The following PLA2G2F variants were observed in gnomAD, a reference collection of about 807,000 sequenced individuals.
The protein encoded by PLA2G2F is group IIF secretory phospholipase A2.
Under a neutral mutation model 15.9 loss-of-function variants are expected in PLA2G2F, and 17 were observed. The observed-to-expected ratio is 1.07, with a 90% CI of 0.73 to 1.60. The LOEUF (loss-of-function observed/expected upper bound fraction) is 1.60. Among genes scored for constraint, PLA2G2F ranks in the 40% most tolerant of loss-of-function variants. The pLI, the probability that PLA2G2F is intolerant of heterozygous loss-of-function variation, is 0.00. For missense variants in PLA2G2F, 299 were observed against 278.2 expected (o/e 1.07, Z -0.53); for synonymous variants, 119 against 106.5 (o/e 1.12, Z -0.72).
Position 20,148,651 on chromosome 1 carries a change from G to T in PLA2G2F, c.*250G>T. The T allele has an allele frequency of 7.1e-6, 4 of 560,724 alleles. No individual in the cohort carries two copies. In the South Asian group the frequency reaches 8.7e-5, roughly 12 times the overall value. The allele number at this position is 560,724 out of a possible 1,614,324, so 34.7% of individuals were successfully genotyped here. A position where few individuals can be genotyped will look rare whatever the true frequency, so the allele number is the denominator to read the frequency against. On this transcript the variant is annotated 3_prime_UTR_variant, in exon 5 of 5. Transcript: ENST00000375102. ...GGGTGGGAGGCACGGAGCTTATAGG[G>T]GTCTCTCCTGAGGGTGGCCGGGGAG...
Position 20,148,610 on chromosome 1 carries a change from C to T in PLA2G2F, c.*209C>T. On this transcript the variant is annotated 3_prime_UTR_variant, in exon 5 of 5. Transcript: ENST00000375102. The stretch of plus-strand genomic sequence containing the variant: ...CAGCCCCAGGCATGGGTGCCTCCTG[C>T]TGCTGGTTCTGGACTGGGTGGGAGG... 1.7e-6 allele frequency: 1 copy of T among 595,644 alleles called. No homozygotes were observed. The highest frequency in any genetic ancestry group is 2.8e-5 in the East Asian group (1 of 35,854). The allele number at this position is 595,644 out of a possible 1,614,324, so 36.9% of individuals were successfully genotyped here.
rs755706871 is a variant in PLA2G2F at position 20,143,587 on chromosome 1, A to T, written c.311A>T (p.Asp104Val). ...CGTGGCCAGCCCAAGGATGAGGTGG[A>T]CTGGTAGGTACCAGAGGCCTGGGCT... Reference protein sequence around the residue: ...GGRGQPKDEVDWCCHAHDCCY... With the variant: ...GGRGQPKDEVVWCCHAHDCCY... The change falls in exon 3 of 5, where the codon GAC becomes GTC. Residue 104 changes from aspartate to valine, a missense_variant. By Grantham distance (152) the Asp-to-Val change is radical (BLOSUM62 -3). Coordinates refer to ENST00000375102, the MANE Select transcript of PLA2G2F (RefSeq NM_022819.4). The T allele has an allele frequency of 1.2e-6, 2 of 1,613,760 alleles. No homozygotes were observed. Among genetic ancestry groups the T allele is most frequent in the Non-Finnish European group, 1.7e-6 (2 of 1,179,778 alleles).
chr1:20,146,529 C>A (rs2017611637), intron 4 of PLA2G2F, among the ~76,000 whole-genome samples: 1 of 152,220 alleles, frequency 6.6e-6, no homozygotes. Flanking sequence ...CCCTGCCCTG[C>A]CCTACTCTGT....
At chr1:20,144,034 C>T (rs1419326032) in intron 3 of PLA2G2F, 7 of 183,758 alleles carry the variant, frequency 3.8e-5, no homozygotes, top group Non-Finnish European at 6.8e-5. Context: ...CAGGCAGCAC[C>T]AAGTTTGTAT....
rs1011662766 is a variant in PLA2G2F, at chr1:20,148,578, C to T, written c.*177C>T. Reference sequence around the variant, plus strand: ...TCAGGAAGGCCTGGGTCCTGACTCCCCCAGCCCAGCCCCAGGCATGGGTGC... The same window carrying T: ...TCAGGAAGGCCTGGGTCCTGACTCCTCCAGCCCAGCCCCAGGCATGGGTGC... On this transcript the variant is annotated 3_prime_UTR_variant, in exon 5 of 5. Transcript: ENST00000375102. 1.5e-5 allele frequency: 9 copies of T among 606,666 alleles called. No homozygotes were observed. The highest frequency in any genetic ancestry group is 2.3e-5 in the Non-Finnish European group (8 of 343,388). The allele number at this position is 606,666 out of a possible 1,614,324, so 37.6% of individuals were successfully genotyped here.
Position 20,140,167 on chromosome 1 carries a change from T to C in PLA2G2F, c.118T>C (p.Ser40Pro). 2 of 1,613,876 alleles carry C rather than the reference T, an allele frequency of 1.2e-6. No homozygotes were observed. Among genetic ancestry groups the C allele is most frequent in the South Asian group, 2.2e-5 (2 of 91,054 alleles). Residue 40 changes from serine (S) to proline (P), a missense_variant and splice_region_variant, in exon 2 of 5, where the codon TCT becomes CCT. Ser to Pro is a moderately conservative substitution (Grantham distance 74). Transcript: ENST00000375102. ...GCTCCGGGTTTCGTCCTCCCTCAGG[T>C]CTAGCCTGGGTATGAAGAAGTTCTT... ...GASCPSRTSR[S>P]SLGMKKFFTV...
In PLA2G2F at chr1:20,143,586, G is replaced by T. The variant is rs752026002; in HGVS notation, c.310G>T (p.Asp104Tyr). 1 of 1,613,892 alleles carries T rather than the reference G, an allele frequency of 6.2e-7. No homozygotes were observed. Among genetic ancestry groups the T allele is most frequent in the Admixed American group, 1.7e-5 (1 of 60,018 alleles). The change falls in exon 3 of 5, where the codon GAC becomes TAC. Residue 104 changes from aspartate (D) to tyrosine (Y), a missense_variant. Coordinates refer to ENST00000375102, the MANE Select transcript of PLA2G2F (RefSeq NM_022819.4). Reference sequence around the variant, plus strand: ...CCGTGGCCAGCCCAAGGATGAGGTGGACTGGTAGGTACCAGAGGCCTGGGC... The same window carrying T: ...CCGTGGCCAGCCCAAGGATGAGGTGTACTGGTAGGTACCAGAGGCCTGGGC... ...GGRGQPKDEV[D>Y]WCCHAHDCCY...
At position 20,148,201 on chromosome 1, in the gene PLA2G2F, A is replaced by G; in HGVS notation, c.436A>G (p.Lys146Glu). 1.2e-6 allele frequency: 2 copies of G among 1,613,972 alleles called. No individual in the cohort carries two copies. The highest frequency in any genetic ancestry group is 1.7e-6 in the Non-Finnish European group (2 of 1,179,956). The change falls in exon 5 of 5, where the codon AAG becomes GAG. Residue 146 changes from lysine (K) to glutamate (E), a missense_variant. Coordinates refer to ENST00000375102, the MANE Select transcript of PLA2G2F (RefSeq NM_022819.4). The part of the protein sequence containing the change: ...NTEIVCSDLN[K>E]TECDKQTCMC... ...CCATCCCCCTGTAGGTGACCTCAAC[A>G]AGACAGAGTGTGACAAGCAGACATG... is the stretch of plus-strand genomic sequence containing the variant.
rs2017651007 is a variant in PLA2G2F, at chr1:20,148,182, C to G, written c.425-8C>G. 6 of 1,613,302 alleles carry G rather than the reference C, an allele frequency of 3.7e-6. No individual in the cohort carries two copies. Among genetic ancestry groups the G allele is most frequent in the Non-Finnish European group, 3.4e-6 (4 of 1,179,418 alleles). On this transcript the variant is annotated splice_polypyrimidine_tract_variant and splice_region_variant and intron_variant, in intron 4 of 4. Transcript: ENST00000375102. ...ATCCACAGCCTTTGCCACCCCATCC[C>G]CCTGTAGGTGACCTCAACAAGACAG...
chr1:20,146,147 CT>C (rs2017600260), intron 4 of PLA2G2F, among the ~76,000 whole-genome samples: 2 of 152,218 alleles, frequency 1.3e-5, no homozygotes, highest in South Asian at 4.1e-4. Flanking sequence ...GGTTCTGAGA[CT>C]GCAGCTCTGC....
intron 3 of PLA2G2F, chr1:20,143,861 A>C (rs2017530397): frequency 2.6e-6 from 1 of 379,340 alleles, no homozygotes; most frequent in Non-Finnish European, 4.8e-6. Context: ...GCTCCAAAAC[A>C]CACATGGGAG....
chr1:20,145,225 AAATT>A (rs1034971113), intron 4 of PLA2G2F, among the ~76,000 whole-genome samples: 3 of 152,198 alleles, frequency 2.0e-5, no homozygotes, highest in Admixed American at 1.3e-4. Context: ...TGCTAGTATA[AAATT>A]AATTAATATT....
chr1:20,139,943 G>A (rs2017425964), intron 1 of PLA2G2F, among the ~76,000 whole-genome samples: 2 of 152,134 alleles, frequency 1.3e-5, no homozygotes, highest in Non-Finnish European at 2.9e-5. Context: ...TCCTGCCAGA[G>A]TGGGGGGCAA....
chr1:20,143,356 G>C, intron 2 of PLA2G2F, 90 bp from the exon 3 acceptor site: 2 of 1,493,722 alleles, frequency 1.3e-6, no homozygotes, highest in Non-Finnish European at 1.8e-6. Flanking sequence ...GGTATTGGGA[G>C]GATGGTCAGT....
chr1:20,147,564 T>C lies in PLA2G2F; in HGVS notation c.425-626T>C, dbSNP rs184800330. On this transcript the variant is annotated intron_variant, in intron 4 of 4. Coordinates refer to ENST00000375102, the MANE Select transcript of PLA2G2F (RefSeq NM_022819.4). ...CCAGGGTTCAAGCAATTCTCCTGCC[T>C]CAGTCTCCCGAGTAGCTGGGATTAC... 8.5e-5 allele frequency among the ~76,000 whole-genome samples: 13 copies of C among 152,152 alleles called. No homozygotes were observed. In the East Asian group the frequency reaches 2.5e-3, roughly 29 times the overall value.
At chr1:20,139,867 T>C (rs896425602) in intron 1 of PLA2G2F, among the ~76,000 whole-genome samples, 13 of 152,076 alleles carry the variant, frequency 8.5e-5, no homozygotes, top group African/African-American at 2.4e-4. Flanking sequence ...CTCCCTAGTG[T>C]GTGCATGGGA....
At position 20,148,180 on chromosome 1, in the gene PLA2G2F, C is replaced by G; in HGVS notation, c.425-10C>G. 1 of 1,612,784 alleles carries G rather than the reference C, an allele frequency of 6.2e-7. No homozygotes were observed. ...TCATCCACAGCCTTTGCCACCCCAT[C>G]CCCCTGTAGGTGACCTCAACAAGAC... On this transcript the variant is annotated splice_polypyrimidine_tract_variant and intron_variant, in intron 4 of 4. Coordinates refer to ENST00000375102, the MANE Select transcript of PLA2G2F (RefSeq NM_022819.4).
Sources: gnomAD v4.1 joint callset for allele counts (sites outside exome capture counted in the v4.1 genomes callset) on GRCh38, gnomAD v4.1.1 for gene constraint, MANE v1.5 for transcripts, NCBI Gene and HGNC (gene_info 2026-07-23, HGNC 2026-07-21) for gene names.